Variants in NOVA1 observed in about 807,000 individuals in gnomAD.
NOVA1 encodes the protein RNA-binding protein Nova-1.
A neutral mutation model predicts 38.0 loss-of-function variants in NOVA1; 7 were observed. The observed-to-expected ratio is 0.18, with a 90% confidence interval of 0.10 to 0.35. The LOEUF (loss-of-function observed/expected upper bound fraction) is 0.35, where lower values mean the gene tolerates loss of function less well. Among genes scored for constraint, NOVA1 ranks in the 10% least tolerant of loss-of-function variants. NOVA1 has a pLI of 1.00. For missense variants in NOVA1, 460 were observed against 616.0 expected, an observed-to-expected ratio of 0.75 and a Z score of 2.68; for synonymous variants, 270 against 232.5, an observed-to-expected ratio of 1.16 and a Z score of -1.47.
intron 2 of NOVA1, among the ~76,000 whole-genome samples, chr14:26,481,988 T>TAAAAAAAAAAAAAAAAAAAAA (rs372806170): frequency 2.0e-4 from 21 of 105,952 alleles, no homozygotes; most frequent in African/African-American, 9.1e-4. Context: ...TAGATAGAGA[T>TAAAAAAAAAAAAAAAAAAAAA]AAAAAAAAAA....
At chr14:26,595,873 C>A in intron 1 of NOVA1, 1 of 351,302 alleles carries the variant, frequency 2.8e-6, no homozygotes, top group Non-Finnish European at 5.5e-6. Context: ...CCAATTCTAT[C>A]TGTGGCAAAA....
At chr14:26,487,361 C>A (rs538362473) in intron 2 of NOVA1, among the ~76,000 whole-genome samples, 1 of 152,220 alleles carries the variant, frequency 6.6e-6, no homozygotes, top group Admixed American at 6.5e-5. Context: ...TTTTAAGTGA[C>A]TTTTAACAGT....
chr14:26,561,644 T>C (rs999697722), intron 2 of NOVA1, among the ~76,000 whole-genome samples: 1 of 152,212 alleles, frequency 6.6e-6, no homozygotes, highest in African/African-American at 2.4e-5. Context: ...ACAAACTGTA[T>C]TGAACATAGT....
intron 4 of NOVA1, among the ~76,000 whole-genome samples, chr14:26,458,377 T>C (rs1001221206): frequency 6.6e-6 from 1 of 152,140 alleles, no homozygotes; most frequent in Admixed American, 6.6e-5. Context: ...ACACATGTAC[T>C]AGTATGTTCA....
chr14:26,457,439 T>G (rs1008346925), intron 4 of NOVA1, among the ~76,000 whole-genome samples: 10 of 152,118 alleles, frequency 6.6e-5, no homozygotes, highest in Admixed American at 5.9e-4. Context: ...TCAATGGTGA[T>G]CTTACAGGAT....
chr14:26,555,001 A>T (rs1247717786), intron 2 of NOVA1, among the ~76,000 whole-genome samples: 1 of 152,160 alleles, frequency 6.6e-6, no homozygotes, highest in Non-Finnish European at 1.5e-5. Flanking sequence ...ACAGAAGCTA[A>T]AACATAATAT....
At chr14:26,538,390 C>T (rs1890248625) in intron 2 of NOVA1, among the ~76,000 whole-genome samples, 1 of 151,686 alleles carries the variant, frequency 6.6e-6, no homozygotes, top group Non-Finnish European at 1.5e-5. Flanking sequence ...TTTATTTTAG[C>T]AAAACTAAGG....
chr14:26,576,487 C>T (rs1367743097), intron 2 of NOVA1, among the ~76,000 whole-genome samples: 1 of 151,650 alleles, frequency 6.6e-6, no homozygotes, highest in Non-Finnish European at 1.5e-5. Context: ...TTTGATAATA[C>T]ATTTTTAAGT....
intron 2 of NOVA1, among the ~76,000 whole-genome samples, chr14:26,532,916 T>G (rs1280233003): frequency 6.6e-6 from 1 of 152,238 alleles, no homozygotes; most frequent in African/African-American, 2.4e-5. Context: ...TAGATCACCA[T>G]GCTATATGGT....
intron 4 of NOVA1, chr14:26,470,435 T>C: frequency 6.5e-7 from 1 of 1,547,374 alleles, no homozygotes; most frequent in Non-Finnish European, 8.9e-7. Flanking sequence ...AATTACGGAT[T>C]TTGTTTTGTT....
At chr14:26,560,470 A>C (rs918153482) in intron 2 of NOVA1, among the ~76,000 whole-genome samples, 21 of 152,158 alleles carry the variant, frequency 1.4e-4, no homozygotes, top group South Asian at 4.1e-4. Context: ...AATTAGCTTA[A>C]GGGATAAAAT....
At chr14:26,457,255 C>T (rs1594327072) in intron 4 of NOVA1, among the ~76,000 whole-genome samples, 2 of 152,132 alleles carry the variant, frequency 1.3e-5, no homozygotes, top group South Asian at 4.1e-4. Flanking sequence ...TGAGTGGCTA[C>T]TACGTGCCAG....
chr14:26,578,189 G>T (rs2138752831), intron 2 of NOVA1, among the ~76,000 whole-genome samples: 1 of 152,180 alleles, frequency 6.6e-6, no homozygotes, highest in African/African-American at 2.4e-5. Flanking sequence ...ACTTTAACAT[G>T]AGTAGTTTCA....
At chr14:26,590,759 G>C (rs925137048) in intron 2 of NOVA1, among the ~76,000 whole-genome samples, 1 of 151,566 alleles carries the variant, frequency 6.6e-6, no homozygotes, top group Non-Finnish European at 1.5e-5. Flanking sequence ...AATCCTTTGG[G>C]GTAGTATTTG....
rs564052396 is a variant in NOVA1 at position 26,526,218 on chromosome 14, T to C, written c.281-46075A>G. Among the ~76,000 whole-genome samples, 18 of 152,256 alleles carry C rather than the reference T, an allele frequency of 1.2e-4. No homozygotes were observed. In the East Asian group the frequency reaches 3.5e-3, roughly 29 times the overall value. On this transcript the variant is annotated intron_variant, in intron 2 of 4. Coordinates refer to ENST00000539517, the MANE Select transcript of NOVA1 (RefSeq NM_002515.3). ...GTAAACATAACTTAAATTTGAGAAA[T>C]GTTAAATATAAGAATATGTTTTTAA...
chr14:26,579,158 A>G (rs1671959090), intron 2 of NOVA1, among the ~76,000 whole-genome samples: 1 of 144,554 alleles, frequency 6.9e-6, no homozygotes, highest in African/African-American at 2.5e-5. Context: ...CCCAGGTTCA[A>G]GTGACTCTCC....
In NOVA1 at chr14:26,445,497, A is replaced by G. The variant is rs1340788350; in HGVS notation, c.*2462T>C. On this transcript the variant is annotated 3_prime_UTR_variant, in exon 5 of 5. Coordinates refer to ENST00000539517, the MANE Select transcript of NOVA1 (RefSeq NM_002515.3). ...TTTAAAATTCCCATTTACAATTAAA[A>G]TTGAACTAAGTGCATTTTCAGCAAC... 6.6e-6 allele frequency: 1 copy of G among 152,216 alleles called. No individual in the cohort carries two copies. The highest frequency in any genetic ancestry group is 6.5e-5 in the Admixed American group (1 of 15,280). The allele number at this position is 152,216 out of a possible 1,614,324, so 9.4% of individuals were successfully genotyped here. A position where few individuals can be genotyped will look rare whatever the true frequency, so the allele number is the denominator to read the frequency against.
rs537790337 is a variant in NOVA1 at position 26,510,100 on chromosome 14, G to T, written c.281-29957C>A. 1.4e-3 allele frequency among the ~76,000 whole-genome samples: 145 copies of T among 106,686 alleles called. 1 individual carries two copies. Among genetic ancestry groups the T allele is most frequent in the African/African-American group, 3.6e-3 (143 of 39,466 alleles). 70.0% of individuals were successfully genotyped at this position (106,686 alleles called of 152,430 possible). A position where few individuals can be genotyped will look rare whatever the true frequency, so the allele number is the denominator to read the frequency against. On this transcript the variant is annotated intron_variant, in intron 2 of 4. Transcript: ENST00000539517. ...AATATTGGAGAAATGGAAAAAAGGGGACTTCAGAAATACTCACTGAAAGAA... is the reference window on the plus strand; with the variant it reads ...AATATTGGAGAAATGGAAAAAAGGGTACTTCAGAAATACTCACTGAAAGAA...
At chr14:26,504,745 C>A (rs555601270) in intron 2 of NOVA1, among the ~76,000 whole-genome samples, 1 of 150,302 alleles carries the variant, frequency 6.7e-6, no homozygotes, top group South Asian at 2.1e-4. Flanking sequence ...GTGTCCAATA[C>A]GTAACTGCTG....
Sources: allele counts gnomAD v4.1 joint callset (sites outside exome capture counted in the v4.1 genomes callset), GRCh38; gene constraint gnomAD v4.1.1; transcripts MANE v1.5; gene names NCBI Gene and HGNC (gene_info 2026-07-23, HGNC 2026-07-21).